The following ARHGAP31 variants were observed in gnomAD, a reference collection of about 807,000 sequenced individuals.
The protein encoded by ARHGAP31 is Rho GTPase activating protein 31, also known as rho GTPase-activating protein 31.
In ARHGAP31, 34 loss-of-function variants were observed where a neutral mutation model predicts 113.9. The ratio of observed to expected loss-of-function variants is 0.30; its 90% CI spans 0.23 to 0.40. The LOEUF (loss-of-function observed/expected upper bound fraction) is 0.40. ARHGAP31 is among the 10% of genes least tolerant of loss of function. The pLI is 1.00. For synonymous variants in ARHGAP31, 650 were observed against 684.8 expected (o/e 0.95, Z 0.79); for missense variants, 1,548 against 1,767.1 (o/e 0.88, Z 2.22).
rs1217803898 is a variant in ARHGAP31, at chr3:119,418,978, A to G, written c.*2714A>G. 6.6e-6 allele frequency: 1 copy of G among 152,388 alleles called. No homozygotes were observed. The highest frequency in any genetic ancestry group is 6.5e-5 in the Admixed American group (1 of 15,286). 9.4% of individuals were successfully genotyped at this position (152,388 alleles called of 1,614,324 possible). A position where few individuals can be genotyped will look rare whatever the true frequency, so the allele number is the denominator to read the frequency against. On this transcript the variant is annotated 3_prime_UTR_variant, in exon 12 of 12. Transcript: ENST00000264245. ...CCTGGCACTGATGAAATTCCATTCT[A>G]AAGAAAGAAAACTCATATTCCTCCC...
chr3:119,321,512 G>A (rs540183802), intron 1 of ARHGAP31, among the ~76,000 whole-genome samples: 75 of 149,006 alleles, frequency 5.0e-4, no homozygotes, highest in South Asian at 4.2e-3. Context: ...TTTTTTCTAT[G>A]TACATTTTCA....
At chr3:119,306,430 G>T (rs552882172) in intron 1 of ARHGAP31, among the ~76,000 whole-genome samples, 5 of 152,226 alleles carry the variant, frequency 3.3e-5, no homozygotes, top group African/African-American at 1.2e-4. Flanking sequence ...GGTGGCGCGT[G>T]CCTGTAATCC....
chr3:119,376,916 A>G (rs1259093845), intron 3 of ARHGAP31, among the ~76,000 whole-genome samples: 1 of 152,116 alleles, frequency 6.6e-6, no homozygotes, highest in Non-Finnish European at 1.5e-5. Flanking sequence ...CGAAAATCTC[A>G]TGTTCCAGGA....
At chr3:119,398,441 T>G (rs578235483) in intron 8 of ARHGAP31, among the ~76,000 whole-genome samples, 1 of 152,292 alleles carries the variant, frequency 6.6e-6, no homozygotes, top group Non-Finnish European at 1.5e-5. Flanking sequence ...TTTCCCCTCC[T>G]GACAAGCTCG....
At chr3:119,316,519 G>C (rs2107599932) in intron 1 of ARHGAP31, among the ~76,000 whole-genome samples, 1 of 152,332 alleles carries the variant, frequency 6.6e-6, no homozygotes, top group South Asian at 2.1e-4. Context: ...CCAGCAAACA[G>C]AGAAATCCCT....
chr3:119,332,606 C>T (rs1406643271), intron 1 of ARHGAP31, among the ~76,000 whole-genome samples: 1 of 105,200 alleles, frequency 9.5e-6, no homozygotes, highest in East Asian at 2.7e-4. Flanking sequence ...CTCTCTCTTT[C>T]TCTCTCTCTC....
At chr3:119,372,761 A>C (rs1042956295) in intron 3 of ARHGAP31, among the ~76,000 whole-genome samples, 2 of 152,170 alleles carry the variant, frequency 1.3e-5, no homozygotes, top group East Asian at 1.9e-4. Context: ...AAATAACCCT[A>C]TGAGGTAGGT....
At chr3:119,357,796 G>T (rs879450756) in intron 1 of ARHGAP31, among the ~76,000 whole-genome samples, 3 of 152,170 alleles carry the variant, frequency 2.0e-5, no homozygotes, top group African/African-American at 4.8e-5. Flanking sequence ...CCAGATAATG[G>T]TCTAGTTTCT....
At chr3:119,393,413 T>C (rs2080521922) in intron 7 of ARHGAP31, 54 bp from the exon 8 acceptor site, 1 of 1,608,738 alleles carries the variant, frequency 6.2e-7, no homozygotes, top group Non-Finnish European at 8.5e-7. Flanking sequence ...AATTTAAAAG[T>C]CCCCTTGAAA....
At chr3:119,327,209 T>C (rs2079853022) in intron 1 of ARHGAP31, among the ~76,000 whole-genome samples, 1 of 152,112 alleles carries the variant, frequency 6.6e-6, no homozygotes, top group Non-Finnish European at 1.5e-5. Flanking sequence ...GGACTCCCTT[T>C]ATTTAAATAG....
chr3:119,392,443 G>C (rs2080512954), intron 7 of ARHGAP31, among the ~76,000 whole-genome samples: 1 of 152,136 alleles, frequency 6.6e-6, no homozygotes, highest in Admixed American at 6.5e-5. Context: ...GCGAGACCCT[G>C]TCTCAACAAC....
intron 1 of ARHGAP31, among the ~76,000 whole-genome samples, chr3:119,319,026 T>C (rs1323477569): frequency 6.6e-6 from 1 of 152,120 alleles, no homozygotes; most frequent in African/African-American, 2.4e-5. Context: ...GGACTCATTG[T>C]TAAAAATTCT....
At chr3:119,332,633 TCTCA>T (rs1487696922) in intron 1 of ARHGAP31, among the ~76,000 whole-genome samples, 729 of 61,500 alleles carry the variant, frequency 0.012, 9 homozygotes, top group Admixed American at 0.071. Context: ...TCTCTCTCTC[TCTCA>T]CACACACACA....
In ARHGAP31 at chr3:119,355,245, A is replaced by G. The variant is rs557364492; in HGVS notation, c.101-10071A>G. 4.6e-5 allele frequency among the ~76,000 whole-genome samples: 7 copies of G among 152,264 alleles called. No individual in the cohort carries two copies. In the South Asian group the frequency reaches 8.3e-4, roughly 18 times the overall value. Reference sequence around the variant, plus strand: ...ATTCTCTCTGAGAATCAACTTTCCTATTTTCAAAATGGAGATCATTTTGTC... The same window carrying G: ...ATTCTCTCTGAGAATCAACTTTCCTGTTTTCAAAATGGAGATCATTTTGTC... On this transcript the variant is annotated intron_variant, in intron 1 of 11. Coordinates refer to ENST00000264245, the MANE Select transcript of ARHGAP31 (RefSeq NM_020754.4).
chr3:119,305,751 A>G (rs922104916), intron 1 of ARHGAP31, among the ~76,000 whole-genome samples: 3 of 152,224 alleles, frequency 2.0e-5, no homozygotes, highest in African/African-American at 7.2e-5. Context: ...GCTTTCTGGA[A>G]AAGCAAAGCC....
At chr3:119,314,239 C>G (rs1254581812) in intron 1 of ARHGAP31, 7 of 152,288 alleles carry the variant, frequency 4.6e-5, no homozygotes, top group Non-Finnish European at 1.0e-4. Flanking sequence ...CTTGCCAACT[C>G]CAACCCATCT....
At chr3:119,295,075 G>A in intron 1 of ARHGAP31, 71 bp downstream of exon 1, 1 of 1,421,882 alleles carries the variant, frequency 7.0e-7, no homozygotes, top group Non-Finnish European at 9.9e-7. Flanking sequence ...ACTCTCTCGA[G>A]TTGTGATAGA....
intron 1 of ARHGAP31, among the ~76,000 whole-genome samples, chr3:119,296,111 TAGTCCATATCG>T (rs1301534336): frequency 1.3e-5 from 2 of 152,246 alleles, no homozygotes; most frequent in African/African-American, 4.8e-5. Flanking sequence ...CCTATTTGAT[TAGTCCATATCG>T]AATATGCATT....
At chr3:119,303,039 C>T (rs1303823230) in intron 1 of ARHGAP31, among the ~76,000 whole-genome samples, 1 of 152,198 alleles carries the variant, frequency 6.6e-6, no homozygotes, top group Admixed American at 6.5e-5. Context: ...ATACCCACTG[C>T]CTTAGGGTCA....
Sources: gnomAD v4.1 joint callset for allele counts (sites outside exome capture counted in the v4.1 genomes callset) on GRCh38, gnomAD v4.1.1 for gene constraint, MANE v1.5 for transcripts, NCBI Gene and HGNC (gene_info 2026-07-23, HGNC 2026-07-21) for gene names.